The following PREP variants were observed in gnomAD, a reference collection of about 807,000 sequenced individuals.
The protein encoded by PREP is prolyl endopeptidase.
Under a neutral mutation model 87.6 loss-of-function variants are expected in PREP, and 29 were observed. The ratio of observed to expected loss-of-function variants is 0.33; its 90% CI spans 0.25 to 0.45. The LOEUF (loss-of-function observed/expected upper bound fraction) is 0.45. PREP is among the 20% of genes least tolerant of loss of function. PREP has a pLI of 1.00. For missense variants in PREP, 695 were observed against 886.5 expected (o/e 0.78, Z 2.74); for synonymous variants, 337 against 328.6 (o/e 1.03, Z -0.28).
At chr6:105,281,664 A>G in intron 14 of PREP, 82 bp downstream of exon 14, 1 of 1,492,696 alleles carries the variant, frequency 6.7e-7, no homozygotes. Flanking sequence ...ACAGTGACAA[A>G]GCTCAAGCAC....
At chr6:105,367,266 G>A (rs1357177738) in intron 6 of PREP, among the ~76,000 whole-genome samples, 2 of 152,116 alleles carry the variant, frequency 1.3e-5, no homozygotes, top group Non-Finnish European at 2.9e-5. Context: ...TATGTATGAG[G>A]AGAAGATGTA....
intron 7 of PREP, among the ~76,000 whole-genome samples, chr6:105,339,335 A>C (rs370944253): frequency 6.6e-6 from 1 of 152,248 alleles, no homozygotes; most frequent in African/African-American, 2.4e-5. Context: ...GACTGTTAGA[A>C]GGAAAACAAA....
chr6:105,307,286 T>A (rs535654133), intron 10 of PREP, among the ~76,000 whole-genome samples: 63 of 152,282 alleles, frequency 4.1e-4, no homozygotes, highest in African/African-American at 1.5e-3. Flanking sequence ...TATGTATGAT[T>A]TCTTTTCTTC....
intron 8 of PREP, among the ~76,000 whole-genome samples, chr6:105,332,126 A>G (rs371904589): frequency 2.6e-4 from 39 of 152,150 alleles, no homozygotes; most frequent in African/African-American, 8.9e-4. Context: ...ATCTAAGTAC[A>G]AGAGGGTTGA....
Position 105,278,492 on chromosome 6 carries a change from G to A in PREP, c.1839-54C>T, listed in dbSNP as rs1181986126. 6.5e-7 allele frequency: 1 copy of A among 1,528,930 alleles called. No homozygotes were observed. The highest frequency in any genetic ancestry group is 1.7e-5 in the Admixed American group (1 of 57,778). 94.7% of individuals were successfully genotyped at this position (1,528,930 alleles called of 1,614,324 possible). On this transcript the variant is annotated intron_variant, in intron 14 of 14. Coordinates refer to ENST00000652536, the MANE Select transcript of PREP (RefSeq NM_002726.5). The surrounding 1 kb of genome is among the most constrained non-coding windows in gnomAD (Gnocchi z 4.2). ...TGGAGAGCAACAGTAGAGTTTTATG[G>A]CACAGGGACCTAGGTAGTTAATTAG...
chr6:105,338,579 C>G (rs994792074), intron 7 of PREP, among the ~76,000 whole-genome samples: 2 of 152,226 alleles, frequency 1.3e-5, no homozygotes, highest in African/African-American at 2.4e-5. Flanking sequence ...TGAGCCGAAG[C>G]AGGGCGGGGC....
At chr6:105,325,079 T>G (rs935431750) in intron 9 of PREP, among the ~76,000 whole-genome samples, 1 of 152,058 alleles carries the variant, frequency 6.6e-6, no homozygotes, top group Non-Finnish European at 1.5e-5. Context: ...AATACTGTAC[T>G]TGCCTAAATA....
chr6:105,378,084 C>T (rs952813455), intron 2 of PREP, among the ~76,000 whole-genome samples: 2 of 152,164 alleles, frequency 1.3e-5, no homozygotes, highest in African/African-American at 2.4e-5. Context: ...GCTATTTTAT[C>T]GATTTTGGCT....
intron 7 of PREP, among the ~76,000 whole-genome samples, chr6:105,345,034 C>T (rs1165303950): frequency 1.3e-5 from 2 of 152,152 alleles, no homozygotes; most frequent in Admixed American, 6.5e-5. Context: ...AAAGTATAGG[C>T]CCTCACAGGG....
chr6:105,308,910 T>C (rs1237418450), intron 10 of PREP, among the ~76,000 whole-genome samples: 1 of 152,030 alleles, frequency 6.6e-6, no homozygotes, highest in Non-Finnish European at 1.5e-5. Context: ...AGGGCTGCTA[T>C]AGTACACAGG....
intron 14 of PREP, chr6:105,281,363 C>CT (rs1397812064): frequency 6.4e-6 from 1 of 155,978 alleles, no homozygotes; most frequent in African/African-American, 2.4e-5. Flanking sequence ...CTGCTGCATC[C>CT]CTGACTCCAG....
chr6:105,313,954 T>C (rs1274708389), intron 10 of PREP, among the ~76,000 whole-genome samples: 2 of 152,166 alleles, frequency 1.3e-5, no homozygotes, highest in Admixed American at 1.3e-4. Context: ...TAAATAAAAA[T>C]CTAAGTGTGT....
At chr6:105,341,404 G>C (rs564149070) in intron 7 of PREP, among the ~76,000 whole-genome samples, 45 of 152,114 alleles carry the variant, frequency 3.0e-4, no homozygotes, top group Non-Finnish European at 5.3e-4. Flanking sequence ...AGAGGGAAAT[G>C]TACAGCACTA....
chr6:105,339,779 A>G (rs1272918783), intron 7 of PREP, among the ~76,000 whole-genome samples: 1 of 152,212 alleles, frequency 6.6e-6, no homozygotes, highest in Non-Finnish European at 1.5e-5. Flanking sequence ...AGTGGAAGAA[A>G]GGGTATCAGT....
intron 10 of PREP, chr6:105,302,557 G>C (rs1770560599): frequency 5.1e-6 from 2 of 393,122 alleles, no homozygotes; most frequent in East Asian, 6.5e-5. Context: ...TGGCGCAGGC[G>C]CATGTTTTCT....
chr6:105,318,632 G>C (rs1278583808), intron 10 of PREP, among the ~76,000 whole-genome samples: 2 of 152,132 alleles, frequency 1.3e-5, no homozygotes, highest in African/African-American at 4.8e-5. Context: ...GCCATGAAGC[G>C]TAATATCAGA....
intron 10 of PREP, among the ~76,000 whole-genome samples, chr6:105,303,250 G>C (rs922873345): frequency 2.0e-5 from 3 of 152,050 alleles, no homozygotes; most frequent in African/African-American, 7.2e-5. Context: ...TTTTTGTAGA[G>C]ACATGGGTCT....
At position 105,333,302 on chromosome 6, in the gene PREP, A is replaced by G. The variant is rs758660411; in HGVS notation, c.1015+12T>C. 1.7e-4 allele frequency: 277 copies of G among 1,609,178 alleles called. 1 individual carries two copies. In the Admixed American group the frequency reaches 4.6e-3, roughly 27 times the overall value. On this transcript the variant is annotated intron_variant, in intron 8 of 14. Coordinates refer to ENST00000652536, the MANE Select transcript of PREP (RefSeq NM_002726.5). ...AACAAGAGCACAATTTTCAAGTCAC[A>G]TGTGTTCTCACCTAAGACATCTTTC...
chr6:105,385,103 C>T (rs1156361346), intron 2 of PREP, among the ~76,000 whole-genome samples: 1 of 152,008 alleles, frequency 6.6e-6, no homozygotes, highest in Non-Finnish European at 1.5e-5. Context: ...GAGAGCTGAC[C>T]AGAAGCTTGC....
Sources: allele counts gnomAD v4.1 joint callset (sites outside exome capture counted in the v4.1 genomes callset), GRCh38; gene constraint gnomAD v4.1.1; non-coding constraint Gnocchi (gnomAD v3.1); transcripts MANE v1.5; gene names NCBI Gene and HGNC (gene_info 2026-07-23, HGNC 2026-07-21).